NSUN3: variants seen among roughly 807,000 people sequenced by gnomAD.
The protein encoded by NSUN3 is tRNA (cytosine(34)-C(5))-methyltransferase, mitochondrial.
Under a neutral mutation model 36.8 loss-of-function variants are expected in NSUN3, and 24 were observed. The observed-to-expected ratio is 0.65, with a 90% CI of 0.47 to 0.92. The LOEUF is 0.92. NSUN3 is among the 40% of genes least tolerant of loss of function. The pLI is 0.00. For synonymous variants in NSUN3, 146 were observed against 145.2 expected (o/e 1.01, Z -0.04); for missense variants, 381 against 392.8 (o/e 0.97, Z 0.25).
intron 5 of NSUN3, among the ~76,000 whole-genome samples, chr3:94,097,771 G>C (rs2077349327): frequency 6.6e-6 from 1 of 152,058 alleles, no homozygotes; most frequent in African/African-American, 2.4e-5. Context: ...CTACTTCTCA[G>C]TTATGCCTTC....
At chr3:94,078,004 C>G (rs1046632636) in intron 2 of NSUN3, among the ~76,000 whole-genome samples, 1 of 152,024 alleles carries the variant, frequency 6.6e-6, no homozygotes, top group Non-Finnish European at 1.5e-5. Context: ...TTTGCTGTTG[C>G]TTCTCTAGTT....
intron 2 of NSUN3, among the ~76,000 whole-genome samples, chr3:94,079,153 C>G (rs539845423): frequency 2.6e-5 from 4 of 152,132 alleles, no homozygotes; most frequent in Non-Finnish European, 5.9e-5. Context: ...CATTTACTTG[C>G]CTGTAAAGGA....
intron 5 of NSUN3, among the ~76,000 whole-genome samples, chr3:94,123,173 C>T (rs567748142): frequency 1.2e-4 from 19 of 152,272 alleles, no homozygotes; most frequent in Admixed American, 2.0e-4. Context: ...GGAGAGCTCC[C>T]TCTTTTTCCA....
chr3:94,106,284 G>A (rs1440267241), intron 5 of NSUN3, among the ~76,000 whole-genome samples: 1 of 152,134 alleles, frequency 6.6e-6, no homozygotes, highest in Non-Finnish European at 1.5e-5. Flanking sequence ...CTTACTGTCA[G>A]TGGAAAGAAG....
At chr3:94,100,269 T>A (rs1269140045) in intron 5 of NSUN3, among the ~76,000 whole-genome samples, 1 of 152,196 alleles carries the variant, frequency 6.6e-6, no homozygotes, top group Non-Finnish European at 1.5e-5. Context: ...TCAAAGATAC[T>A]TTATACACGT....
intron 5 of NSUN3, among the ~76,000 whole-genome samples, chr3:94,098,868 A>G (rs2077353743): frequency 6.6e-6 from 1 of 151,786 alleles, no homozygotes; most frequent in Admixed American, 6.6e-5. Context: ...TCATGTCCTT[A>G]CCTTCACTTA....
chr3:94,119,071 T>C (rs907874908), intron 5 of NSUN3, among the ~76,000 whole-genome samples: 1 of 152,202 alleles, frequency 6.6e-6, no homozygotes, highest in Non-Finnish European at 1.5e-5. Context: ...TCTTGTTTCT[T>C]GTACACTACT....
At chr3:94,121,661 A>G (rs1485939111) in intron 5 of NSUN3, among the ~76,000 whole-genome samples, 3 of 152,194 alleles carry the variant, frequency 2.0e-5, no homozygotes, top group East Asian at 1.9e-4. Flanking sequence ...AAGTTTTTTT[A>G]GAGACTAACA....
At chr3:94,116,347 C>A (rs1379251479) in intron 5 of NSUN3, among the ~76,000 whole-genome samples, 1 of 152,008 alleles carries the variant, frequency 6.6e-6, no homozygotes, top group Admixed American at 6.6e-5. Context: ...AAAATGAATG[C>A]CTTTAAAAAA....
chr3:94,089,601 C>T (rs1368417219), intron 3 of NSUN3, among the ~76,000 whole-genome samples: 1 of 152,144 alleles, frequency 6.6e-6, no homozygotes, highest in African/African-American at 2.4e-5. Context: ...TGTGCGTGCT[C>T]ACCTTCCAAG....
chr3:94,067,385 T>G (rs2077209161), intron 2 of NSUN3, among the ~76,000 whole-genome samples: 1 of 152,360 alleles, frequency 6.6e-6, no homozygotes, highest in East Asian at 1.9e-4. Context: ...TAACTGTGAT[T>G]ATAACAGCTT....
At chr3:94,108,226 GTTCTGTGATACATGTGCAGAACTCTA>G in intron 5 of NSUN3, among the ~76,000 whole-genome samples, 1 of 151,952 alleles carries the variant, frequency 6.6e-6, no homozygotes, top group South Asian at 2.1e-4. Flanking sequence ...TATACTTTAA[GTTCTGTGATACATGTGCAGAACTCTA>G]TTCAGAATTT....
intron 5 of NSUN3, among the ~76,000 whole-genome samples, chr3:94,104,608 T>C (rs917202070): frequency 4.6e-5 from 7 of 152,130 alleles, no homozygotes; most frequent in Non-Finnish European, 7.3e-5. Flanking sequence ...CATGGAAACA[T>C]GATTAAGAGG....
intron 3 of NSUN3, among the ~76,000 whole-genome samples, chr3:94,091,457 G>T (rs1352823521): frequency 3.3e-5 from 5 of 152,140 alleles, no homozygotes; most frequent in South Asian, 2.1e-4. Context: ...GAATAGCAAA[G>T]GTGGGATATT....
intron 2 of NSUN3, among the ~76,000 whole-genome samples, chr3:94,066,017 C>T (rs2077203043): frequency 1.3e-5 from 2 of 151,176 alleles, no homozygotes; most frequent in South Asian, 4.2e-4. Context: ...TCCCACAGCT[C>T]ATCCTTGTTC....
intron 5 of NSUN3, among the ~76,000 whole-genome samples, chr3:94,115,793 C>T (rs984889524): frequency 2.6e-5 from 4 of 152,080 alleles, no homozygotes; most frequent in Non-Finnish European, 5.9e-5. Flanking sequence ...TCTAATCAAG[C>T]ACCAAAAGAA....
chr3:94,099,881 C>T (rs990202623), intron 5 of NSUN3, among the ~76,000 whole-genome samples: 5 of 151,872 alleles, frequency 3.3e-5, no homozygotes, highest in Non-Finnish European at 5.9e-5. Context: ...CTAGAATTTC[C>T]TCTTGCCTGT....
rs2077281768 is a variant in NSUN3, at chr3:94,084,012, T to C, written c.123-95T>C. 4.1e-5 allele frequency: 37 copies of C among 905,248 alleles called. 1 individual carries two copies. The South Asian group carries it at 6.3e-4, about 15-fold the overall frequency. 56.1% of individuals were successfully genotyped at this position (905,248 alleles called of 1,614,324 possible). On this transcript the variant is annotated intron_variant, in intron 2 of 5. Coordinates refer to ENST00000314622, the MANE Select transcript of NSUN3 (RefSeq NM_022072.5). Reference sequence around the variant, plus strand: ...CTTAAAATCACAGGTAAGTGAAGTGTAAAACTAGGACCACATTCACCTGAT... The same window carrying C: ...CTTAAAATCACAGGTAAGTGAAGTGCAAAACTAGGACCACATTCACCTGAT...
chr3:94,110,260 A>G (rs541820163), intron 5 of NSUN3, among the ~76,000 whole-genome samples: 1 of 152,134 alleles, frequency 6.6e-6, no homozygotes, highest in African/African-American at 2.4e-5. Flanking sequence ...AGTGATAGGA[A>G]GTTATCAGTG....
Sources: allele counts gnomAD v4.1 joint callset (sites outside exome capture counted in the v4.1 genomes callset), GRCh38; gene constraint gnomAD v4.1.1; transcripts MANE v1.5; gene names NCBI Gene and HGNC (gene_info 2026-07-23, HGNC 2026-07-21).